Variants in RRN3 observed in about 807,000 individuals in gnomAD.
The protein encoded by RRN3 is RNA polymerase I-specific transcription initiation factor RRN3.
In RRN3, 38 loss-of-function variants were observed where a neutral mutation model predicts 82.3. The observed-to-expected ratio is 0.46, with a 90% CI of 0.36 to 0.61. The LOEUF is 0.61. Ranked by LOEUF, RRN3 falls within the 20% of genes least tolerant of loss-of-function variation. RRN3 has a pLI of 0.00. For synonymous variants in RRN3, 284 were observed against 284.3 expected, an observed-to-expected ratio of 1.00 and a Z score of 0.01; for missense variants, 726 against 793.1, an observed-to-expected ratio of 0.92 and a Z score of 1.02.
chr16:15,063,716 A>AG (rs1306601716), intron 16 of RRN3, among the ~76,000 whole-genome samples: 5 of 151,026 alleles, frequency 3.3e-5, no homozygotes, highest in South Asian at 2.1e-4. Context: ...AAAAAAAAAA[A>AG]AAAAAAGAAA....
At chr16:15,076,465 T>C in intron 10 of RRN3, 93 bp downstream of exon 10, 1 of 898,178 alleles carries the variant, frequency 1.1e-6, no homozygotes, top group Non-Finnish European at 1.9e-6. Context: ...TTTTAATTCT[T>C]TCAATCTAAA....
chr16:15,082,708 T>C (rs1450643932), intron 8 of RRN3, among the ~76,000 whole-genome samples: 2 of 152,052 alleles, frequency 1.3e-5, no homozygotes, highest in African/African-American at 4.8e-5. Context: ...CTTGCATTCT[T>C]AACATCAGTC....
At chr16:15,074,522 T>C (rs1277239092) in intron 11 of RRN3, among the ~76,000 whole-genome samples, 1 of 152,112 alleles carries the variant, frequency 6.6e-6, no homozygotes, top group African/African-American at 2.4e-5. Flanking sequence ...AGAAGACAAA[T>C]ATAACTCAGC....
At chr16:15,078,864 C>G (rs533319366) in intron 9 of RRN3, among the ~76,000 whole-genome samples, 1 of 146,952 alleles carries the variant, frequency 6.8e-6, no homozygotes, top group African/African-American at 2.5e-5. Flanking sequence ...CAGGCTGGAG[C>G]GGAGTGGCGC....
chr16:15,067,636 G>C (rs2045033607), intron 15 of RRN3, among the ~76,000 whole-genome samples: 1 of 151,124 alleles, frequency 6.6e-6, no homozygotes, highest in South Asian at 2.1e-4. Flanking sequence ...GCCCCTCTCA[G>C]CTTACTGGTT....
chr16:15,072,095 T>A (rs1432848250), intron 12 of RRN3, among the ~76,000 whole-genome samples: 2 of 151,956 alleles, frequency 1.3e-5, no homozygotes, highest in African/African-American at 4.8e-5. Flanking sequence ...AACTTCCAAC[T>A]TCTCCTAAAT....
At chr16:15,081,884 T>A (rs977143659) in intron 8 of RRN3, among the ~76,000 whole-genome samples, 1 of 152,220 alleles carries the variant, frequency 6.6e-6, no homozygotes, top group African/African-American at 2.4e-5. Context: ...CATATCCACT[T>A]CTGCCAGCAG....
intron 8 of RRN3, among the ~76,000 whole-genome samples, chr16:15,082,683 A>G (rs951983443): frequency 1.3e-5 from 2 of 151,982 alleles, no homozygotes; most frequent in Admixed American, 1.3e-4. Context: ...CACCCCTGAA[A>G]AAAAAAAAAT....
rs2044851108 is a variant in RRN3, at chr16:15,064,176, TTTTTG to T, written c.1707-898_1707-894del. On this transcript the variant is annotated intron_variant, in intron 16 of 17. Transcript: ENST00000198767. The stretch of plus-strand genomic sequence containing the variant: ...TCTAGATAAATCGCTTTTTGTTTTT[TTTTTG>T]TTTTGTTTTTCTGAGACAGAGTCTC... 2.6e-5 allele frequency among the ~76,000 whole-genome samples: 4 copies of T among 152,102 alleles called. No homozygotes were observed. In the South Asian group the frequency reaches 6.2e-4, roughly 24 times the overall value.
chr16:15,077,213 A>T (rs1368494758), intron 9 of RRN3, among the ~76,000 whole-genome samples: 1 of 151,914 alleles, frequency 6.6e-6, no homozygotes, highest in African/African-American at 2.4e-5. Flanking sequence ...TCCTGACCTC[A>T]GGTGATCCAC....
At chr16:15,090,820 T>C (rs1459323507) in intron 3 of RRN3, among the ~76,000 whole-genome samples, 1 of 152,016 alleles carries the variant, frequency 6.6e-6, no homozygotes, top group Non-Finnish European at 1.5e-5. Context: ...TGCATTCAGC[T>C]TTTACTACAT....
At chr16:15,084,852 G>C (rs2045854902) in intron 6 of RRN3, 147 bp from the exon 7 acceptor site, 1 of 659,650 alleles carries the variant, frequency 1.5e-6, no homozygotes, top group Non-Finnish European at 2.8e-6. Context: ...GATCACCTGA[G>C]GTCAGGAGTT....
intron 12 of RRN3, 72 bp from the exon 13 acceptor site, chr16:15,071,323 T>A: frequency 7.0e-7 from 1 of 1,422,656 alleles, no homozygotes. Flanking sequence ...AATCCCAAGA[T>A]TTTTACTTCA....
At chr16:15,069,630 C>T (rs3954028) in intron 14 of RRN3, among the ~76,000 whole-genome samples, 3 of 152,198 alleles carry the variant, frequency 2.0e-5, no homozygotes, top group Non-Finnish European at 4.4e-5. Context: ...AATCCTGCCA[C>T]TAACCATGTG....
intron 8 of RRN3, among the ~76,000 whole-genome samples, chr16:15,082,127 C>T (rs1007449791): frequency 6.6e-6 from 1 of 152,202 alleles, no homozygotes; most frequent in African/African-American, 2.4e-5. Context: ...CTTGGCTAGA[C>T]AAGCAGCAAG....
chr16:15,074,330 T>C (rs1220305420), intron 11 of RRN3, among the ~76,000 whole-genome samples: 7 of 152,184 alleles, frequency 4.6e-5, no homozygotes, highest in Non-Finnish European at 7.3e-5. Context: ...GCACATATAG[T>C]ACTAACACTG....
At chr16:15,093,201 C>T (rs1218256674) in intron 1 of RRN3, among the ~76,000 whole-genome samples, 2 of 152,116 alleles carry the variant, frequency 1.3e-5, no homozygotes, top group Admixed American at 6.6e-5. Flanking sequence ...GACGAGGTTT[C>T]GCACGTTGGC....
intron 16 of RRN3, among the ~76,000 whole-genome samples, chr16:15,063,863 T>C (rs2044834284): frequency 6.6e-6 from 1 of 152,230 alleles, no homozygotes; most frequent in African/African-American, 2.4e-5. Flanking sequence ...TGAAATTGTT[T>C]CTAAACTTTA....
In RRN3 at chr16:15,085,710, A is replaced by G. The variant is rs1344260954; in HGVS notation, c.473-12T>C. ...AATGATCACTCGGGCTTTTGAGGGA[A>G]AAAGAAAATATGTTATTCTGTCATT... On this transcript the variant is annotated splice_polypyrimidine_tract_variant and intron_variant, in intron 5 of 17. Coordinates refer to ENST00000198767, the MANE Select transcript of RRN3 (RefSeq NM_018427.5). The G allele has an allele frequency of 1.2e-6, 2 of 1,612,814 alleles. No individual in the cohort carries two copies. The highest frequency in any genetic ancestry group is 1.7e-6 in the Non-Finnish European group (2 of 1,179,754).
Sources: gnomAD v4.1 joint callset for allele counts (sites outside exome capture counted in the v4.1 genomes callset) on GRCh38, gnomAD v4.1.1 for gene constraint, MANE v1.5 for transcripts, NCBI Gene and HGNC (gene_info 2026-07-23, HGNC 2026-07-21) for gene names.